Variants in RGS7 observed in about 807,000 individuals in gnomAD.
The protein encoded by RGS7 is regulator of G protein signaling 7.
A neutral mutation model predicts 81.1 loss-of-function variants in RGS7; 27 were observed. That is an observed-to-expected ratio of 0.33 (90% CI 0.25 to 0.46). RGS7 has a LOEUF of 0.46. Ranked by LOEUF, RGS7 falls within the 20% of genes least tolerant of loss-of-function variation. RGS7 has a pLI of 1.00. For missense variants in RGS7, 396 were observed against 607.4 expected (o/e 0.65, Z 3.66); for synonymous variants, 208 against 207.7 (o/e 1.00, Z -0.01).
intron 4 of RGS7, among the ~76,000 whole-genome samples, chr1:240,938,789 C>G (rs1012025794): frequency 5.9e-5 from 9 of 151,770 alleles, no homozygotes; most frequent in African/African-American, 1.7e-4. Context: ...GTTTTTTGTA[C>G]AGAGGAGCAT....
chr1:241,299,822 A>T (rs949767250), intron 2 of RGS7, among the ~76,000 whole-genome samples: 11 of 1,168 alleles, frequency 9.4e-3, no homozygotes, highest in Admixed American at 0.077. Flanking sequence ...TAGGCCTTTA[A>T]AAAAAAAAAA....
chr1:240,936,500 TAA>T (rs1676660520), intron 5 of RGS7, 98 bp downstream of exon 5: 2 of 876,716 alleles, frequency 2.3e-6, no homozygotes, highest in Admixed American at 1.9e-5. Flanking sequence ...CAAAGTAAAA[TAA>T]GTCATAGTTT....
At position 241,014,975 on chromosome 1, in the gene RGS7, A is replaced by G. The variant is rs186871078; in HGVS notation, c.176-31846T>C. Among the ~76,000 whole-genome samples the G allele has an allele frequency of 9.2e-5, 14 of 152,366 alleles. No homozygotes were observed. In the East Asian group the frequency reaches 1.7e-3, roughly 19 times the overall value. On this transcript the variant is annotated intron_variant, in intron 3 of 18. Coordinates refer to ENST00000440928, the MANE Select transcript of RGS7 (RefSeq NM_001364886.1). ...ACAAGTCATCCAGTTCAGCCTAGAT[A>G]CAGGGAAATAGCGTGAGGTAACACT...
chr1:241,214,103 G>C (rs2074412439), intron 2 of RGS7, among the ~76,000 whole-genome samples: 1 of 152,146 alleles, frequency 6.6e-6, no homozygotes, highest in African/African-American at 2.4e-5. Context: ...TATTAACAAT[G>C]TCTTTTACTT....
chr1:241,244,449 G>A (rs1484418358), intron 2 of RGS7, among the ~76,000 whole-genome samples: 3 of 152,084 alleles, frequency 2.0e-5, no homozygotes, highest in Non-Finnish European at 2.9e-5. Context: ...TAAAAAGTCA[G>A]GAAACAACAG....
intron 3 of RGS7, among the ~76,000 whole-genome samples, chr1:241,088,343 A>C (rs528631418): frequency 6.6e-6 from 1 of 152,124 alleles, no homozygotes; most frequent in East Asian, 1.9e-4. Flanking sequence ...ACGCCACCAA[A>C]AAACATACCA....
rs552576709 is a variant in RGS7 at position 240,891,343 on chromosome 1, T to C, written c.386-21224A>G. Among the ~76,000 whole-genome samples the C allele has an allele frequency of 3.3e-5, 5 of 152,350 alleles. No individual in the cohort carries two copies. The East Asian group carries it at 9.6e-4, about 29-fold the overall frequency. Reference sequence around the variant, plus strand: ...CTTTAGTGAAGTGTAATGATAATTCTAAGTGTTACTTCAGATTCAAATGAA... The same window carrying C: ...CTTTAGTGAAGTGTAATGATAATTCCAAGTGTTACTTCAGATTCAAATGAA... On this transcript the variant is annotated intron_variant, in intron 6 of 18. Transcript: ENST00000440928.
At chr1:241,015,218 A>G (rs545265947) in intron 3 of RGS7, among the ~76,000 whole-genome samples, 17 of 152,340 alleles carry the variant, frequency 1.1e-4, no homozygotes, top group African/African-American at 4.1e-4. Context: ...AAATAGCTAT[A>G]ACTTCCAATG....
intron 14 of RGS7, 90 bp from the exon 15 acceptor site, chr1:240,806,416 CG>C: frequency 8.1e-7 from 1 of 1,241,154 alleles, no homozygotes; most frequent in Non-Finnish European, 1.2e-6. Flanking sequence ...TTCATCATGA[CG>C]ACTCACAGCC....
chr1:240,823,327 G>A (rs1692146776), intron 10 of RGS7: 1 of 554,890 alleles, frequency 1.8e-6, no homozygotes, highest in Non-Finnish European at 3.4e-6. Flanking sequence ...TGGAAGATTA[G>A]CTACTACTTG....
chr1:241,351,712 G>C (rs1275370586), intron 2 of RGS7, among the ~76,000 whole-genome samples: 1 of 152,206 alleles, frequency 6.6e-6, no homozygotes, highest in East Asian at 1.9e-4. Context: ...CAGGAGAATG[G>C]AGGAGAGAAT....
chr1:241,033,659 T>A (rs1024904469), intron 3 of RGS7, among the ~76,000 whole-genome samples: 2 of 152,160 alleles, frequency 1.3e-5, no homozygotes, highest in African/African-American at 4.8e-5. Context: ...GATATCAGTT[T>A]ACAGTTATCT....
At chr1:240,812,719 G>A (rs903439493) in intron 13 of RGS7, among the ~76,000 whole-genome samples, 3 of 152,110 alleles carry the variant, frequency 2.0e-5, no homozygotes, top group African/African-American at 7.2e-5. Context: ...ACAGGTGTGC[G>A]CCACCATGCC....
chr1:241,091,591 AAAT>A (rs1275490725), intron 3 of RGS7, among the ~76,000 whole-genome samples: 20 of 149,272 alleles, frequency 1.3e-4, no homozygotes, highest in South Asian at 4.2e-4. Context: ...ATAAATAAAT[AAAT>A]AAAAAAGCTG....
At chr1:241,024,215 A>T (rs890179291) in intron 3 of RGS7, among the ~76,000 whole-genome samples, 6 of 152,250 alleles carry the variant, frequency 3.9e-5, no homozygotes, top group African/African-American at 1.4e-4. Flanking sequence ...ATAAGGAGGC[A>T]TGTGAAGCCT....
At chr1:240,872,307 G>A (rs192604745) in intron 6 of RGS7, among the ~76,000 whole-genome samples, 1 of 152,096 alleles carries the variant, frequency 6.6e-6, no homozygotes, top group South Asian at 2.1e-4. Context: ...AAGAAAGACA[G>A]GAAGCAGGGC....
intron 2 of RGS7, among the ~76,000 whole-genome samples, chr1:241,184,983 T>C (rs1298407463): frequency 6.6e-6 from 1 of 152,108 alleles, no homozygotes; most frequent in Non-Finnish European, 1.5e-5. Context: ...CAAAAGAAAA[T>C]ATTATGGAAG....
chr1:241,159,335 G>T (rs778940969), intron 2 of RGS7, among the ~76,000 whole-genome samples: 1 of 151,760 alleles, frequency 6.6e-6, no homozygotes, highest in Non-Finnish European at 1.5e-5. Context: ...CCTCCTAATC[G>T]CCATGTTTTC....
At chr1:240,930,021 A>G (rs1056406647) in intron 6 of RGS7, among the ~76,000 whole-genome samples, 1 of 152,182 alleles carries the variant, frequency 6.6e-6, no homozygotes, top group African/African-American at 2.4e-5. Context: ...AAAATACTCA[A>G]TAAACACTTG....
Sources: allele counts gnomAD v4.1 joint callset (sites outside exome capture counted in the v4.1 genomes callset), GRCh38; gene constraint gnomAD v4.1.1; transcripts MANE v1.5; gene names NCBI Gene and HGNC (gene_info 2026-07-23, HGNC 2026-07-21).